The following DPP6 variants were observed in gnomAD, a reference collection of about 807,000 sequenced individuals.
DPP6 encodes the protein A-type potassium channel modulatory protein DPP6.
A neutral mutation model predicts 122.6 loss-of-function variants in DPP6; 69 were observed. The ratio of observed to expected loss-of-function variants is 0.56; its 90% CI spans 0.46 to 0.69. The LOEUF (loss-of-function observed/expected upper bound fraction) is 0.69, where lower values mean the gene tolerates loss of function less well. DPP6 is among the 30% of genes least tolerant of loss of function. The pLI is 0.00. For missense variants in DPP6, 928 were observed against 1,116.9 expected, an observed-to-expected ratio of 0.83 and a Z score of 2.41; for synonymous variants, 418 against 433.1, an observed-to-expected ratio of 0.97 and a Z score of 0.43.
At chr7:154,430,961 T>C (rs1377297547) in intron 1 of DPP6, among the ~76,000 whole-genome samples, 1 of 152,212 alleles carries the variant, frequency 6.6e-6, no homozygotes, top group Non-Finnish European at 1.5e-5. Context: ...AAAATGTCAC[T>C]AGGCTCCACG....
chr7:154,562,370 A>G (rs1198480702), intron 4 of DPP6, among the ~76,000 whole-genome samples: 1 of 152,214 alleles, frequency 6.6e-6, no homozygotes, highest in African/African-American at 2.4e-5. Flanking sequence ...CAATAAATGC[A>G]GAAAAAGCAT....
At chr7:153,925,505 G>A (rs964006258) in intron 1 of DPP6, among the ~76,000 whole-genome samples, 3 of 152,022 alleles carry the variant, frequency 2.0e-5, no homozygotes, top group Non-Finnish European at 2.9e-5. Flanking sequence ...TGGTTCTGAT[G>A]AGGGGAGATC....
intron 1 of DPP6, among the ~76,000 whole-genome samples, chr7:153,951,228 G>A (rs1238077037): frequency 2.0e-5 from 3 of 152,204 alleles, no homozygotes; most frequent in Non-Finnish European, 2.9e-5. Context: ...GCGCATTGGA[G>A]GTTAAAAAAA....
chr7:153,863,977 TAGTC>T, the DPP6 span, among the ~76,000 whole-genome samples: 1 of 152,244 alleles, frequency 6.6e-6, no homozygotes, highest in East Asian at 1.9e-4. Flanking sequence ...ATCCGTTCAT[TAGTC>T]AGTGGTCATT....
chr7:154,869,964 GA>G (rs1804250265), intron 18 of DPP6, among the ~76,000 whole-genome samples: 2 of 151,162 alleles, frequency 1.3e-5, no homozygotes, highest in Non-Finnish European at 2.9e-5. Context: ...AATGGTCTAG[GA>G]GAAAAAGAAT....
At chr7:154,406,038 T>C (rs1282992587) in intron 1 of DPP6, among the ~76,000 whole-genome samples, 1 of 152,150 alleles carries the variant, frequency 6.6e-6, no homozygotes, top group Non-Finnish European at 1.5e-5. Context: ...TTCTAAGAAA[T>C]AAATATAAAT....
At chr7:154,426,820 A>C (rs1817955971) in intron 1 of DPP6, among the ~76,000 whole-genome samples, 1 of 151,862 alleles carries the variant, frequency 6.6e-6, no homozygotes, top group Admixed American at 6.6e-5. Context: ...AAAAAAAAAA[A>C]AAAAAAAAAA....
intron 2 of DPP6, among the ~76,000 whole-genome samples, chr7:154,448,818 A>G (rs1170788554): frequency 6.6e-6 from 1 of 152,200 alleles, no homozygotes; most frequent in Non-Finnish European, 1.5e-5. Context: ...TTCAATGAGG[A>G]AAGAATAGTC....
intron 1 of DPP6, among the ~76,000 whole-genome samples, chr7:154,347,931 G>A (rs183766718): frequency 6.6e-6 from 1 of 152,332 alleles, no homozygotes; most frequent in East Asian, 1.9e-4. Flanking sequence ...GCCCCTTGAG[G>A]CAAGTGGACT....
chr7:153,782,421 A>G, the DPP6 span, among the ~76,000 whole-genome samples: 1 of 152,158 alleles, frequency 6.6e-6, no homozygotes, highest in African/African-American at 2.4e-5. Context: ...GCTGTCAACT[A>G]GAGGCAGGCA....
intron 5 of DPP6, among the ~76,000 whole-genome samples, chr7:154,610,325 A>C (rs573789128): frequency 6.6e-6 from 1 of 152,312 alleles, no homozygotes; most frequent in Admixed American, 6.5e-5. Context: ...AAAAGGGTGC[A>C]GAAATCTAGG....
chr7:154,203,626 C>T (rs566960628), intron 1 of DPP6, among the ~76,000 whole-genome samples: 2 of 152,090 alleles, frequency 1.3e-5, no homozygotes, highest in Non-Finnish European at 2.9e-5. Flanking sequence ...TACATATGTG[C>T]GATGTGTGCA....
chr7:154,231,834 G>T lies in DPP6; in HGVS notation c.243+178771G>T, dbSNP rs1029690155. 4.6e-5 allele frequency among the ~76,000 whole-genome samples: 7 copies of T among 152,218 alleles called. No homozygotes were observed. The East Asian group carries it at 1.3e-3, about 29-fold the overall frequency. On this transcript the variant is annotated intron_variant, in intron 1 of 25. Transcript: ENST00000377770. ...CACGTGCTTCTCTGAAAGGTTGTCA[G>T]CAGTGTATTGATGATTTTCAAGTAT...
At chr7:154,864,780 C>T (rs1321138745) in intron 17 of DPP6, among the ~76,000 whole-genome samples, 1 of 152,144 alleles carries the variant, frequency 6.6e-6, no homozygotes, top group Non-Finnish European at 1.5e-5. Flanking sequence ...TAGAGAGGAA[C>T]GAGGTATTCA....
intron 2 of DPP6, among the ~76,000 whole-genome samples, chr7:154,463,009 G>GT (rs1306160341): frequency 6.6e-6 from 1 of 151,598 alleles, no homozygotes; most frequent in Non-Finnish European, 1.5e-5. Flanking sequence ...AAATCCTTAG[G>GT]TTTTTCCAAA....
chr7:153,831,304 C>G, the DPP6 span, among the ~76,000 whole-genome samples: 1 of 152,272 alleles, frequency 6.6e-6, no homozygotes, highest in South Asian at 2.1e-4. Context: ...CCAAAGGCAG[C>G]TCCACGTTTT....
At chr7:153,802,250 G>T in the DPP6 span, among the ~76,000 whole-genome samples, 4 of 152,130 alleles carry the variant, frequency 2.6e-5, no homozygotes, top group Non-Finnish European at 4.4e-5. Context: ...ATAACAATCT[G>T]CCACACAGGG....
intron 1 of DPP6, among the ~76,000 whole-genome samples, chr7:154,186,737 A>C (rs776840010): frequency 1.3e-5 from 2 of 152,248 alleles, no homozygotes; most frequent in Non-Finnish European, 2.9e-5. Flanking sequence ...TTATTTAGGA[A>C]ATTTAAATGG....
At chr7:154,594,661 T>C (rs140327576) in intron 5 of DPP6, among the ~76,000 whole-genome samples, 1 of 152,156 alleles carries the variant, frequency 6.6e-6, no homozygotes, top group Non-Finnish European at 1.5e-5. Context: ...TTAAGTATCC[T>C]AAAGGAACAC....
Sources: gnomAD v4.1 joint callset for allele counts (sites outside exome capture counted in the v4.1 genomes callset) on GRCh38, gnomAD v4.1.1 for gene constraint, MANE v1.5 for transcripts, NCBI Gene and HGNC (gene_info 2026-07-23, HGNC 2026-07-21) for gene names.